CNTN4: variants seen among roughly 807,000 people sequenced by gnomAD.
The protein encoded by CNTN4 is contactin 4, also known as contactin-4.
CNTN4 carries 77 observed loss-of-function variants against 122.5 expected under a neutral mutation model. The observed-to-expected ratio is 0.63, with a 90% confidence interval of 0.52 to 0.76. CNTN4 has a LOEUF of 0.76. Ranked by LOEUF, CNTN4 falls within the 30% of genes least tolerant of loss-of-function variation. The pLI is 0.00. For synonymous variants in CNTN4, 512 were observed against 447.0 expected (o/e 1.15, Z -1.83); for missense variants, 1,256 against 1,259.1 (o/e 1.00, Z 0.04).
At chr3:2,426,530 C>T (rs1396106380) in intron 3 of CNTN4, among the ~76,000 whole-genome samples, 2 of 151,860 alleles carry the variant, frequency 1.3e-5, no homozygotes, top group East Asian at 3.9e-4. Flanking sequence ...CTGAAATTCT[C>T]TTTTTTTTGT....
chr3:2,933,446 C>T (rs1043733983), intron 13 of CNTN4, among the ~76,000 whole-genome samples: 3 of 152,096 alleles, frequency 2.0e-5, no homozygotes, highest in African/African-American at 7.2e-5. Context: ...GGGAACCTGG[C>T]TTATGGGTGA....
intron 3 of CNTN4, among the ~76,000 whole-genome samples, chr3:2,344,729 T>C (rs1214736811): frequency 6.6e-6 from 1 of 152,210 alleles, no homozygotes; most frequent in Non-Finnish European, 1.5e-5. Flanking sequence ...ATTAGCTCTT[T>C]TGTTAGCTTA....
intron 3 of CNTN4, among the ~76,000 whole-genome samples, chr3:2,401,258 A>T (rs994738601): frequency 6.6e-6 from 1 of 152,128 alleles, no homozygotes; most frequent in African/African-American, 2.4e-5. Flanking sequence ...GATAGACCCC[A>T]AGAGGTTTCT....
chr3:2,335,806 T>C (rs1021025050), intron 2 of CNTN4, among the ~76,000 whole-genome samples: 2 of 152,142 alleles, frequency 1.3e-5, no homozygotes, highest in African/African-American at 2.4e-5. Flanking sequence ...TGAGGTATCA[T>C]TAGATATTTT....
intron 8 of CNTN4, among the ~76,000 whole-genome samples, chr3:2,867,545 A>G (rs2093737681): frequency 6.6e-6 from 1 of 152,186 alleles, no homozygotes; most frequent in African/African-American, 2.4e-5. Context: ...CGTGTATGCC[A>G]GACTCTAGGA....
At chr3:2,906,002 G>A (rs904313052) in intron 12 of CNTN4, among the ~76,000 whole-genome samples, 13 of 152,198 alleles carry the variant, frequency 8.5e-5, no homozygotes, top group African/African-American at 2.9e-4. Context: ...ATACTATGTA[G>A]CCATAAAGAA....
intron 6 of CNTN4, among the ~76,000 whole-genome samples, chr3:2,806,510 G>A (rs764808082): frequency 1.3e-5 from 2 of 152,160 alleles, no homozygotes; most frequent in Non-Finnish European, 2.9e-5. Flanking sequence ...ACTATCCATC[G>A]CTGACACAGA....
rs144475422 is a variant in CNTN4, at chr3:2,860,631, G to T, written c.455-6121G>T. ...TATCTCTCCCATTTCCACACCTTCA[G>T]ATCTCAACTCATCTAAGACACTGCC... On this transcript the variant is annotated intron_variant, in intron 7 of 24. Transcript: ENST00000418658. 1.6e-3 allele frequency among the ~76,000 whole-genome samples: 249 copies of T among 152,222 alleles called. 2 individuals carry two copies. The highest frequency in any genetic ancestry group is 5.7e-3 in the Admixed American group (87 of 15,280).
intron 2 of CNTN4, among the ~76,000 whole-genome samples, chr3:2,120,252 T>C (rs1222930614): frequency 1.3e-5 from 2 of 150,700 alleles, no homozygotes; most frequent in East Asian, 2.0e-4. Flanking sequence ...GATTCTACTT[T>C]GAGAGTATGA....
chr3:2,439,370 G>C (rs966088646), intron 3 of CNTN4, among the ~76,000 whole-genome samples: 1 of 152,118 alleles, frequency 6.6e-6, no homozygotes, highest in Non-Finnish European at 1.5e-5. Flanking sequence ...CCATTGTTCT[G>C]TTGGATCTGG....
chr3:2,665,575 G>C (rs990185869), intron 4 of CNTN4, among the ~76,000 whole-genome samples: 2 of 152,078 alleles, frequency 1.3e-5, no homozygotes, highest in African/African-American at 4.8e-5. Flanking sequence ...TTATTTCCTG[G>C]TCACTTGGGA....
At chr3:2,774,904 C>T (rs2091255100) in intron 6 of CNTN4, among the ~76,000 whole-genome samples, 1 of 152,150 alleles carries the variant, frequency 6.6e-6, no homozygotes, top group Non-Finnish European at 1.5e-5. Context: ...GCAAGATTTC[C>T]AGGATTCTTA....
intron 3 of CNTN4, among the ~76,000 whole-genome samples, chr3:2,371,284 C>T (rs2045623064): frequency 6.6e-6 from 1 of 152,136 alleles, no homozygotes; most frequent in Non-Finnish European, 1.5e-5. Flanking sequence ...CTGTGCCATT[C>T]AACTCTTTCT....
intron 6 of CNTN4, among the ~76,000 whole-genome samples, chr3:2,788,126 T>C (rs1019987933): frequency 6.6e-6 from 1 of 152,176 alleles, no homozygotes; most frequent in Non-Finnish European, 1.5e-5. Context: ...AACAACTATA[T>C]ACCATCACAT....
At chr3:2,624,206 G>A (rs2082095262) in intron 4 of CNTN4, among the ~76,000 whole-genome samples, 1 of 152,050 alleles carries the variant, frequency 6.6e-6, no homozygotes, top group Non-Finnish European at 1.5e-5. Flanking sequence ...GTTATTTTAT[G>A]CACTAGAAAA....
intron 2 of CNTN4, among the ~76,000 whole-genome samples, chr3:2,183,166 A>G (rs1559320225): frequency 6.6e-6 from 1 of 151,304 alleles, no homozygotes; most frequent in Non-Finnish European, 1.5e-5. Context: ...TCTCATTATG[A>G]GTAAAATAAA....
intron 6 of CNTN4, among the ~76,000 whole-genome samples, chr3:2,770,449 C>T (rs917406811): frequency 1.3e-5 from 2 of 152,236 alleles, no homozygotes; most frequent in African/African-American, 4.8e-5. Flanking sequence ...GCCAAGGGCC[C>T]TCAGCTTCCT....
rs180871124 is a variant in CNTN4 at position 2,550,087 on chromosome 3, T to C, written c.-88-21329T>C. Among the ~76,000 whole-genome samples the C allele has an allele frequency of 3.1e-4, 47 of 152,304 alleles. 2 individuals carry two copies. Among genetic ancestry groups the C allele is most frequent in the Middle Eastern group, 6.8e-3 (2 of 294 alleles). On this transcript the variant is annotated intron_variant, in intron 3 of 24. Coordinates refer to ENST00000418658, the MANE Select transcript of CNTN4 (RefSeq NM_175607.3). ...TTATTGTGCCTATTTGATTCTTCTC[T>C]CTTTTCTTCTTATTAGTCTGGCTAG...
intron 3 of CNTN4, among the ~76,000 whole-genome samples, chr3:2,567,596 G>C (rs2079228548): frequency 6.6e-6 from 1 of 152,046 alleles, no homozygotes; most frequent in Admixed American, 6.6e-5. Flanking sequence ...CCATAAGTTT[G>C]GCAGATAGAT....
Sources: allele counts gnomAD v4.1 joint callset (sites outside exome capture counted in the v4.1 genomes callset), GRCh38; gene constraint gnomAD v4.1.1; transcripts MANE v1.5; gene names NCBI Gene and HGNC (gene_info 2026-07-23, HGNC 2026-07-21).